Variants in ARID4B observed in about 807,000 individuals in gnomAD.
ARID4B encodes AT-rich interactive domain-containing protein 4B.
ARID4B carries 26 observed loss-of-function variants against 147.5 expected under a neutral mutation model. The observed-to-expected ratio is 0.18, with a 90% confidence interval of 0.13 to 0.24. The LOEUF is 0.24. ARID4B is among the 10% of genes least tolerant of loss of function. ARID4B has a pLI of 1.00. For missense variants in ARID4B, 1,179 were observed against 1,511.5 expected, an observed-to-expected ratio of 0.78 and a Z score of 3.65; for synonymous variants, 512 against 507.9, an observed-to-expected ratio of 1.01 and a Z score of -0.11.
rs1663100665 is a variant in ARID4B at position 235,168,596 on chromosome 1, C to A, written c.3868G>T (p.Val1290Phe). 1 of 1,613,966 alleles carries A rather than the reference C, an allele frequency of 6.2e-7. No homozygotes were observed. The highest frequency in any genetic ancestry group is 1.3e-5 in the African/African-American group (1 of 74,894). ...GACGGTTCAGCTAAAGTTAACATAA[C>A]AGCAGCTGTTATGGAACTGGATGAA... ...SPSSSSITAAVMLTLAEPSMS... is the reference protein window; with the variant it reads ...SPSSSSITAAFMLTLAEPSMS... Residue 1290 changes from valine (V) to phenylalanine (F), a missense_variant, in exon 24 of 24, where the codon GTT becomes TTT. Physicochemically the swap from Val to Phe is conservative, Grantham distance 50. Coordinates refer to ENST00000264183, the MANE Select transcript of ARID4B (RefSeq NM_016374.6).
chr1:235,173,148 A>C (rs1293341789), intron 22 of ARID4B, among the ~76,000 whole-genome samples: 1 of 152,038 alleles, frequency 6.6e-6, no homozygotes, highest in Non-Finnish European at 1.5e-5. Context: ...GTTCGATACC[A>C]GCCTGGCCAA....
intron 2 of ARID4B, among the ~76,000 whole-genome samples, chr1:235,308,758 G>A (rs543499919): frequency 4.8e-4 from 73 of 152,330 alleles, no homozygotes; most frequent in African/African-American, 1.7e-3. Flanking sequence ...ATTGCAGACG[G>A]AGTCTGGTTC....
At chr1:235,242,770 G>C (rs1669071518) in intron 7 of ARID4B, among the ~76,000 whole-genome samples, 1 of 152,082 alleles carries the variant, frequency 6.6e-6, no homozygotes, top group Non-Finnish European at 1.5e-5. Flanking sequence ...TGTTCAGCTA[G>C]CTGAAACATC....
chr1:235,228,285 C>CTTTTTT (rs34559749), intron 11 of ARID4B: 4 of 73,928 alleles, frequency 5.4e-5, no homozygotes, highest in Admixed American at 1.9e-4. Flanking sequence ...TAGGTAGGTT[C>CTTTTTT]TTTTTTTTTT....
rs983834311 is a variant in ARID4B, at chr1:235,198,170, C to T, written c.1842-2055G>A. ...GCACATAACATTAATGTGAGCTAAA[C>T]AAAGTTATAATCATGTTCTACCTTT... On this transcript the variant is annotated intron_variant, in intron 17 of 23. Coordinates refer to ENST00000264183, the MANE Select transcript of ARID4B (RefSeq NM_016374.6). Among the ~76,000 whole-genome samples the T allele has an allele frequency of 4.6e-5, 7 of 152,196 alleles. No homozygotes were observed. In the East Asian group the frequency reaches 1.3e-3, roughly 29 times the overall value.
At chr1:235,222,719 G>A (rs993615469) in intron 13 of ARID4B, among the ~76,000 whole-genome samples, 16 of 139,620 alleles carry the variant, frequency 1.1e-4, no homozygotes, top group African/African-American at 1.6e-4. Context: ...ATTCTGTCAC[G>A]CAGGCTGGAA....
chr1:235,226,777 G>T (rs1372998465), intron 11 of ARID4B, among the ~76,000 whole-genome samples: 2 of 152,140 alleles, frequency 1.3e-5, no homozygotes, highest in Non-Finnish European at 2.9e-5. Flanking sequence ...GCCTGCCTTG[G>T]CCTCCCAAAG....
rs1022069011 is a variant in ARID4B at position 235,200,328 on chromosome 1, G to A, written c.1842-4213C>T. On this transcript the variant is annotated intron_variant, in intron 17 of 23. Transcript: ENST00000264183. ...ACAAAAATCAGCCAGGCGTGGTAGC[G>A]GGCGCCTGTAGTCCTAGCTACTTGG... is the stretch of plus-strand genomic sequence containing the variant. Among the ~76,000 whole-genome samples the A allele has an allele frequency of 5.9e-5, 9 of 152,160 alleles. No individual in the cohort carries two copies. In the South Asian group the frequency reaches 8.3e-4, roughly 14 times the overall value.
At chr1:235,321,107 T>C (rs181992309) in intron 2 of ARID4B, among the ~76,000 whole-genome samples, 3 of 152,362 alleles carry the variant, frequency 2.0e-5, no homozygotes, top group Admixed American at 6.5e-5. Context: ...AAGTACACAA[T>C]GTGTTCAATG....
chr1:235,327,069 A>C, intron 1 of ARID4B, 101 bp from the exon 2 acceptor site: 2 of 793,372 alleles, frequency 2.5e-6, no homozygotes, highest in South Asian at 3.2e-5. Flanking sequence ...CCCCGAAGAA[A>C]GAGCCGCAAC....
At chr1:235,263,981 G>A (rs1042589223) in intron 2 of ARID4B, among the ~76,000 whole-genome samples, 4 of 151,388 alleles carry the variant, frequency 2.6e-5, no homozygotes, top group Non-Finnish European at 4.4e-5. Context: ...GTGACAGAGC[G>A]AGACTCCATC....
At chr1:235,315,972 G>A (rs1674395649) in intron 2 of ARID4B, among the ~76,000 whole-genome samples, 2 of 152,080 alleles carry the variant, frequency 1.3e-5, no homozygotes. Context: ...TCAAGCCTAG[G>A]AGTTCGAGAC....
At chr1:235,280,392 C>G (rs1257156085) in intron 2 of ARID4B, among the ~76,000 whole-genome samples, 4 of 152,220 alleles carry the variant, frequency 2.6e-5, no homozygotes, top group Non-Finnish European at 5.9e-5. Flanking sequence ...ACATACTGGG[C>G]AGGCTCTAAC....
chr1:235,183,953 A>AT (rs1312980481), intron 19 of ARID4B, among the ~76,000 whole-genome samples: 1 of 151,856 alleles, frequency 6.6e-6, no homozygotes, highest in African/African-American at 2.4e-5. Context: ...GAATTTTTGT[A>AT]TTTTTTGTAG....
At chr1:235,247,389 A>G (rs1669363694) in intron 6 of ARID4B, among the ~76,000 whole-genome samples, 1 of 152,226 alleles carries the variant, frequency 6.6e-6, no homozygotes, top group Non-Finnish European at 1.5e-5. Context: ...TAAAATTGAG[A>G]CAATTTTGTT....
chr1:235,293,336 A>AAGT (rs1170478085), intron 2 of ARID4B, among the ~76,000 whole-genome samples: 1 of 152,212 alleles, frequency 6.6e-6, no homozygotes, highest in African/African-American at 2.4e-5. Context: ...TTATATAATG[A>AAGT]AGTAGTACAT....
intron 2 of ARID4B, among the ~76,000 whole-genome samples, chr1:235,316,842 A>G (rs535185959): frequency 5.9e-5 from 9 of 151,422 alleles, no homozygotes; most frequent in African/African-American, 2.2e-4. Context: ...AAAAAACAAG[A>G]TACAGATATA....
chr1:235,194,172 A>G lies in ARID4B; in HGVS notation c.1966T>C (p.Ser656Pro), dbSNP rs991307029. ...CGCCGAAGTTTACAGTTTTTTGGAG[A>G]GTATTTTTCATCTTTGTCTTTTTCT... ...DKEKDKDEKY[S>P]PKNCKLRRLS... Residue 656 changes from serine to proline, a missense_variant, in exon 19 of 24, where the codon TCT becomes CCT. Physicochemically the swap from Ser to Pro is moderately conservative, Grantham distance 74. This residue lies in a region of ARID4B where 321 missense variants were observed against 342.4 expected (regional missense o/e 0.94). Transcript: ENST00000264183. The G allele has an allele frequency of 1.9e-6, 3 of 1,612,536 alleles. No homozygotes were observed. The highest frequency in any genetic ancestry group is 2.2e-5 in the South Asian group (2 of 91,042).
At chr1:235,186,161 G>A (rs1336172901) in intron 19 of ARID4B, among the ~76,000 whole-genome samples, 1 of 151,986 alleles carries the variant, frequency 6.6e-6, no homozygotes, top group East Asian at 1.9e-4. Context: ...TAGAGACAGG[G>A]TTTCACCGTG....
Sources: gnomAD v4.1 joint callset for allele counts (sites outside exome capture counted in the v4.1 genomes callset) on GRCh38, gnomAD v4.1.1 for gene constraint, gnomAD v4.1.1 regional missense constraint, MANE v1.5 for transcripts, NCBI Gene and HGNC (gene_info 2026-07-23, HGNC 2026-07-21) for gene names.